The following KCNK2 variants were observed in gnomAD, a reference collection of about 807,000 sequenced individuals.
KCNK2 encodes potassium two pore domain channel subfamily K member 2.
A neutral mutation model predicts 40.5 loss-of-function variants in KCNK2; 21 were observed. That is an observed-to-expected ratio of 0.52 (90% CI 0.37 to 0.75). The LOEUF (loss-of-function observed/expected upper bound fraction) is 0.75, where lower values mean the gene tolerates loss of function less well. Ranked by LOEUF, KCNK2 falls within the 30% of genes least tolerant of loss-of-function variation. The probability of loss-of-function intolerance (pLI) is 0.00; values close to 1 mark genes in which losing one functional copy is unlikely to be tolerated. For synonymous variants in KCNK2, 191 were observed against 202.2 expected (o/e 0.94, Z 0.47); for missense variants, 399 against 531.6 (o/e 0.75, Z 2.45).
chr1:215,039,676 A>G (rs1657499465), intron 1 of KCNK2, among the ~76,000 whole-genome samples: 1 of 152,142 alleles, frequency 6.6e-6, no homozygotes, highest in Non-Finnish European at 1.5e-5. Flanking sequence ...TTTTTAATGG[A>G]CGATTTAAAT....
intron 6 of KCNK2, among the ~76,000 whole-genome samples, chr1:215,234,566 C>T (rs1007037046): frequency 1.3e-5 from 2 of 150,874 alleles, no homozygotes; most frequent in African/African-American, 4.9e-5. Flanking sequence ...GTATAAAAAA[C>T]AAGCACATGT....
intron 1 of KCNK2, among the ~76,000 whole-genome samples, chr1:215,010,311 T>A (rs1340812992): frequency 2.0e-5 from 3 of 152,252 alleles, no homozygotes; most frequent in Non-Finnish European, 4.4e-5. Flanking sequence ...GTTCAGTTTT[T>A]AATTTTCTTT....
chr1:215,171,313 A>G (rs982560957), intron 4 of KCNK2, among the ~76,000 whole-genome samples: 4 of 152,098 alleles, frequency 2.6e-5, no homozygotes, highest in Non-Finnish European at 5.9e-5. Context: ...GCCTAGGGAT[A>G]TTGAAGACTT....
At chr1:215,169,382 T>A (rs1425112757) in intron 4 of KCNK2, 23 bp downstream of exon 4, 4 of 1,536,656 alleles carry the variant, frequency 2.6e-6, no homozygotes, top group Non-Finnish European at 3.5e-6. Flanking sequence ...GATATTTAAC[T>A]ACGTATATTT....
intron 1 of KCNK2, among the ~76,000 whole-genome samples, chr1:215,072,562 G>A (rs1331074744): frequency 1.3e-5 from 2 of 152,064 alleles, no homozygotes; most frequent in African/African-American, 2.4e-5. Flanking sequence ...TAACACACTG[G>A]GTCTATGTTC....
chr1:215,120,388 C>T (rs1481388013), intron 2 of KCNK2, among the ~76,000 whole-genome samples: 1 of 152,120 alleles, frequency 6.6e-6, no homozygotes, highest in Non-Finnish European at 1.5e-5. Context: ...TTCTTCTTTT[C>T]TATTGCTTCC....
At chr1:215,196,057 T>C (rs966413430) in intron 6 of KCNK2, among the ~76,000 whole-genome samples, 11 of 150,398 alleles carry the variant, frequency 7.3e-5, no homozygotes, top group African/African-American at 2.7e-4. Context: ...CCTTTACAAA[T>C]GTTTTCTTTG....
upstream of KCNK2, among the ~76,000 whole-genome samples, chr1:215,080,698 T>C (rs552614131): frequency 1.3e-4 from 20 of 152,236 alleles, no homozygotes; most frequent in South Asian, 2.1e-4. Context: ...AGTATAAAGA[T>C]AGATGAAAGA....
At chr1:215,136,395 G>A (rs887072424) in intron 3 of KCNK2, among the ~76,000 whole-genome samples, 1 of 152,094 alleles carries the variant, frequency 6.6e-6, no homozygotes, top group Non-Finnish European at 1.5e-5. Context: ...ACCATGCCTG[G>A]CCTCAAAATA....
chr1:215,122,349 T>G (rs547426138), intron 2 of KCNK2, among the ~76,000 whole-genome samples: 1 of 152,196 alleles, frequency 6.6e-6, no homozygotes, highest in Admixed American at 6.5e-5. Flanking sequence ...ATTCTAAAGT[T>G]TATACAGGAA....
chr1:215,029,430 A>G (rs1657108547), intron 1 of KCNK2, among the ~76,000 whole-genome samples: 1 of 150,388 alleles, frequency 6.6e-6, no homozygotes, highest in Non-Finnish European at 1.5e-5. Context: ...AGTGTCACTC[A>G]TGTCTTTTCA....
chr1:215,226,482 C>T (rs936586905), intron 6 of KCNK2, among the ~76,000 whole-genome samples: 1 of 152,094 alleles, frequency 6.6e-6, no homozygotes, highest in Non-Finnish European at 1.5e-5. Context: ...CGTGCCATCA[C>T]GCCTGGCTAA....
intron 6 of KCNK2, among the ~76,000 whole-genome samples, chr1:215,204,115 T>G (rs1665207593): frequency 6.6e-6 from 1 of 151,350 alleles, no homozygotes; most frequent in East Asian, 1.9e-4. Context: ...ATGCTCATTT[T>G]TTTTTTTTCT....
chr1:215,143,458 G>A (rs11120508), intron 3 of KCNK2, among the ~76,000 whole-genome samples: 86,290 of 152,018 alleles, frequency 0.57, 26,476 homozygotes, highest in Non-Finnish European at 0.68. Context: ...ATGGTCTCTT[G>A]TGTAACAGTA....
At chr1:215,019,513 T>A (rs1274409857) in intron 1 of KCNK2, among the ~76,000 whole-genome samples, 1 of 152,220 alleles carries the variant, frequency 6.6e-6, no homozygotes, top group Non-Finnish European at 1.5e-5. Context: ...CCGCATCTGT[T>A]CCGACTGGTC....
At chr1:215,132,145 A>T (rs1420433302) in intron 3 of KCNK2, among the ~76,000 whole-genome samples, 1 of 152,240 alleles carries the variant, frequency 6.6e-6, no homozygotes, top group Non-Finnish European at 1.5e-5. Context: ...GCTTGTTTTC[A>T]GCAGGGAGTC....
chr1:215,072,996 A>T (rs1658808583), intron 1 of KCNK2, among the ~76,000 whole-genome samples: 2 of 152,188 alleles, frequency 1.3e-5, no homozygotes, highest in African/African-American at 4.8e-5. Flanking sequence ...GGTCATTAGG[A>T]TAGACCTTAA....
Position 215,071,323 on chromosome 1 carries a change from T to C in KCNK2, c.35-15045T>C, listed in dbSNP as rs144055882. Among the ~76,000 whole-genome samples, 361 of 152,312 alleles carry C rather than the reference T, an allele frequency of 2.4e-3. 3 individuals carry two copies. Among genetic ancestry groups the C allele is most frequent in the African/African-American group, 8.3e-3 (344 of 41,560 alleles). Reference sequence around the variant, plus strand: ...CATGCACATTATCACATAGAGGGGTTTGCAGGGATGATAGATGAGAGTGTC... The same window carrying C: ...CATGCACATTATCACATAGAGGGGTCTGCAGGGATGATAGATGAGAGTGTC... On this transcript the variant is annotated intron_variant, in intron 1 of 6. Coordinates refer to the KCNK2 transcript ENST00000391895.
At chr1:215,033,214 T>G in intron 1 of KCNK2, among the ~76,000 whole-genome samples, 1 of 151,690 alleles carries the variant, frequency 6.6e-6, no homozygotes, top group Admixed American at 6.6e-5. Flanking sequence ...CTTTTTTTTT[T>G]TTTTGTAGTT....
Sources: allele counts gnomAD v4.1 joint callset (sites outside exome capture counted in the v4.1 genomes callset), GRCh38; gene constraint gnomAD v4.1.1; transcripts MANE v1.5; gene names NCBI Gene and HGNC (gene_info 2026-07-23, HGNC 2026-07-21).